The following TENM2 variants were observed in gnomAD, a reference collection of about 807,000 sequenced individuals.
TENM2 encodes the protein teneurin transmembrane protein 2, also known as teneurin-2.
A neutral mutation model predicts 245.2 loss-of-function variants in TENM2; 52 were observed. That is an observed-to-expected ratio of 0.21 (90% CI 0.17 to 0.27). The LOEUF (loss-of-function observed/expected upper bound fraction) is 0.27. Ranked by LOEUF, TENM2 falls within the 10% of genes least tolerant of loss-of-function variation. The pLI is 1.00. For synonymous variants in TENM2, 1,363 were observed against 1,438.9 expected (o/e 0.95, Z 1.19); for missense variants, 3,046 against 3,666.8 (o/e 0.83, Z 4.37).
chr5:167,631,924 T>C (rs1582598527), intron 2 of TENM2, among the ~76,000 whole-genome samples: 1 of 152,156 alleles, frequency 6.6e-6, no homozygotes, highest in East Asian at 1.9e-4. Context: ...TTGTGAGCAC[T>C]GTGAGGTCAG....
At chr5:168,167,947 A>G (rs1562240109) in intron 13 of TENM2, among the ~76,000 whole-genome samples, 1 of 152,222 alleles carries the variant, frequency 6.6e-6, no homozygotes, top group African/African-American at 2.4e-5. Flanking sequence ...TAGCATTAAC[A>G]TTATTAATAT....
the TENM2 span, among the ~76,000 whole-genome samples, chr5:167,244,832 G>A: frequency 6.6e-6 from 1 of 152,134 alleles, no homozygotes; most frequent in Admixed American, 6.6e-5. Context: ...CCATCCTGTG[G>A]CCTAAATGAG....
chr5:168,262,887 G>A (rs985597469), exon 29 of TENM2: 3 of 1,355,958 alleles, frequency 2.2e-6, no homozygotes, highest in South Asian at 2.9e-5. Flanking sequence ...AGGAGATGAA[G>A]ACCTAACAGG....
At chr5:167,213,758 A>C in the TENM2 span, among the ~76,000 whole-genome samples, 1 of 152,198 alleles carries the variant, frequency 6.6e-6, no homozygotes, top group Non-Finnish European at 1.5e-5. Flanking sequence ...AGTGTATATA[A>C]AACAAATATG....
intron 19 of TENM2, among the ~76,000 whole-genome samples, chr5:168,205,623 A>G (rs1359477082): frequency 3.9e-5 from 6 of 152,120 alleles, no homozygotes; most frequent in Admixed American, 3.9e-4. Context: ...TCAGGCAAAG[A>G]GAAGTTGTTC....
At chr5:167,948,317 G>T (rs1270936488) in intron 3 of TENM2, among the ~76,000 whole-genome samples, 1 of 152,190 alleles carries the variant, frequency 6.6e-6, no homozygotes, top group Non-Finnish European at 1.5e-5. Flanking sequence ...CAGACTATGT[G>T]ACTGGCATCC....
chr5:167,448,185 A>T (rs1055173038), intron 2 of TENM2, among the ~76,000 whole-genome samples: 3 of 152,118 alleles, frequency 2.0e-5, no homozygotes, highest in African/African-American at 7.2e-5. Context: ...CCCCACCCCT[A>T]CTGGCTGCAT....
intron 7 of TENM2, among the ~76,000 whole-genome samples, chr5:168,081,578 C>T (rs967592526): frequency 4.6e-5 from 7 of 152,150 alleles, no homozygotes; most frequent in African/African-American, 1.2e-4. Flanking sequence ...CTGGTTGTTC[C>T]TTTCCATGTT....
At chr5:167,984,400 G>C (rs1037770420) in intron 4 of TENM2, among the ~76,000 whole-genome samples, 1 of 152,158 alleles carries the variant, frequency 6.6e-6, no homozygotes, top group Admixed American at 6.5e-5. Flanking sequence ...GCTCATGCCC[G>C]TAATTCTAGC....
chr5:167,949,551 T>C (rs1231249710), intron 3 of TENM2, among the ~76,000 whole-genome samples: 1 of 152,200 alleles, frequency 6.6e-6, no homozygotes, highest in African/African-American at 2.4e-5. Context: ...TCAGGCAGCA[T>C]GCTTAGCACT....
chr5:168,084,933 G>C (rs1463368701), intron 7 of TENM2, among the ~76,000 whole-genome samples: 2 of 152,182 alleles, frequency 1.3e-5, no homozygotes. Context: ...GGCATTGTGA[G>C]GGGCCTTAAC....
intron 9 of TENM2, among the ~76,000 whole-genome samples, chr5:168,107,534 A>G (rs35832334): frequency 0.25 from 36,072 of 144,052 alleles, 4,726 homozygotes; most frequent in African/African-American, 0.34. Context: ...GCTCAGGAAG[A>G]CCCCTTTTTA....
At chr5:167,161,687 T>A in the TENM2 span, among the ~76,000 whole-genome samples, 1 of 152,220 alleles carries the variant, frequency 6.6e-6, no homozygotes, top group Non-Finnish European at 1.5e-5. Context: ...GGAGAAAGTA[T>A]GAAATTACAA....
chr5:168,236,984 A>T (rs1292578942), intron 25 of TENM2, among the ~76,000 whole-genome samples: 2 of 3,874 alleles, frequency 5.2e-4, no homozygotes, highest in African/African-American at 1.1e-3. Context: ...ATATATATAT[A>T]TATATATATA....
At chr5:167,944,579 A>G (rs1349870678) in intron 3 of TENM2, among the ~76,000 whole-genome samples, 1 of 152,216 alleles carries the variant, frequency 6.6e-6, no homozygotes, top group Non-Finnish European at 1.5e-5. Context: ...CGTGGTTATA[A>G]TAAACAGAGG....
rs543116355 is a variant in TENM2, at chr5:168,021,049, A to T, written c.1187-26378A>T. On this transcript the variant is annotated intron_variant, in intron 5 of 28. Coordinates refer to ENST00000518659, the Ensembl canonical transcript of TENM2. ...TCCTCTATTTAAAAATTGATAACCTAGAAAGTCAGGAGCAGGCTAGGAATC... is the reference window on the plus strand; with the variant it reads ...TCCTCTATTTAAAAATTGATAACCTTGAAAGTCAGGAGCAGGCTAGGAATC... Among the ~76,000 whole-genome samples, 6 of 152,360 alleles carry T rather than the reference A, an allele frequency of 3.9e-5. No homozygotes were observed. In the South Asian group the frequency reaches 1.2e-3, roughly 32 times the overall value.
Position 167,288,748 on chromosome 5 carries a change from C to T in TENM2, c.226+3685C>T, listed in dbSNP as rs138678719. Among the ~76,000 whole-genome samples, 553 of 152,254 alleles carry T rather than the reference C, an allele frequency of 3.6e-3. 6 individuals carry two copies. The highest frequency in any genetic ancestry group is 0.014 in the Admixed American group (212 of 15,290). On this transcript the variant is annotated intron_variant, in intron 1 of 28. Coordinates refer to ENST00000518659, the Ensembl canonical transcript of TENM2. ...TGAGTCAGAGAGAGATTAAATAAGT[C>T]ATCCAGGTTGAAAACATGGAAAGAG...
chr5:167,771,170 C>G (rs905535006), intron 2 of TENM2, among the ~76,000 whole-genome samples: 1 of 152,018 alleles, frequency 6.6e-6, no homozygotes, highest in African/African-American at 2.4e-5. Context: ...TAGTCTGAAG[C>G]TAAACACTTG....
the TENM2 span, among the ~76,000 whole-genome samples, chr5:167,039,792 G>A: frequency 1.3e-5 from 2 of 151,524 alleles, no homozygotes; most frequent in South Asian, 2.1e-4. Flanking sequence ...TGGATTTTTT[G>A]TACCTTGAGT....
Sources: gnomAD v4.1 joint callset for allele counts (sites outside exome capture counted in the v4.1 genomes callset) on GRCh38, gnomAD v4.1.1 for gene constraint, MANE v1.5 for transcripts, NCBI Gene and HGNC (gene_info 2026-07-23, HGNC 2026-07-21) for gene names.